The following CRADD variants were observed in gnomAD, a reference collection of about 807,000 sequenced individuals.
The protein encoded by CRADD is death domain-containing protein CRADD.
CRADD carries 9 observed loss-of-function variants against 15.5 expected under a neutral mutation model. That is an observed-to-expected ratio of 0.58 (90% CI 0.35 to 1.01). The LOEUF is 1.01. Among genes scored for constraint, CRADD ranks in the 50% least tolerant of loss-of-function variants. The pLI is 0.02. For missense variants in CRADD, 227 were observed against 250.3 expected (o/e 0.91, Z 0.63); for synonymous variants, 118 against 107.6 (o/e 1.10, Z -0.60).
chr12:93,681,708 C>T (rs1293830001), intron 2 of CRADD, among the ~76,000 whole-genome samples: 1 of 152,160 alleles, frequency 6.6e-6, no homozygotes, highest in Non-Finnish European at 1.5e-5. Context: ...CACTCCTTCC[C>T]AATCTTGTCT....
intron 2 of CRADD, among the ~76,000 whole-genome samples, chr12:93,781,569 T>C (rs1957210117): frequency 1.3e-5 from 2 of 152,320 alleles, no homozygotes; most frequent in South Asian, 4.1e-4. Context: ...CGGATCAGTC[T>C]CCATATCACT....
At chr12:93,825,013 G>A (rs1321487290) in intron 2 of CRADD, among the ~76,000 whole-genome samples, 1 of 152,104 alleles carries the variant, frequency 6.6e-6, no homozygotes, top group Non-Finnish European at 1.5e-5. Flanking sequence ...TTTTGCTGTT[G>A]GTATTTTTTG....
At chr12:93,803,770 A>G (rs1371552762) in intron 2 of CRADD, among the ~76,000 whole-genome samples, 1 of 152,088 alleles carries the variant, frequency 6.6e-6, no homozygotes, top group African/African-American at 2.4e-5. Flanking sequence ...TGTTACCTCC[A>G]TGGCAAAGGG....
intron 2 of CRADD, among the ~76,000 whole-genome samples, chr12:93,864,535 A>C (rs1311487720): frequency 6.6e-6 from 1 of 152,230 alleles, no homozygotes; most frequent in Non-Finnish European, 1.5e-5. Flanking sequence ...AATGACAATG[A>C]CAGCATTCTT....
chr12:93,693,482 T>G (rs1955623033), intron 2 of CRADD, among the ~76,000 whole-genome samples: 1 of 152,002 alleles, frequency 6.6e-6, no homozygotes, highest in Non-Finnish European at 1.5e-5. Flanking sequence ...AGTCAAAAAT[T>G]GTCAAAAGAG....
intron 2 of CRADD, chr12:93,738,226 C>T (rs939922124): frequency 6.4e-6 from 4 of 620,164 alleles, no homozygotes; most frequent in South Asian, 1.9e-5. Context: ...AAGGACTGGC[C>T]GAAGAATGGG....
At chr12:93,754,220 C>A (rs1196894602) in intron 2 of CRADD, among the ~76,000 whole-genome samples, 1 of 152,192 alleles carries the variant, frequency 6.6e-6, no homozygotes, top group African/African-American at 2.4e-5. Context: ...CACAGGGCAC[C>A]AAGTCCTAGG....
chr12:93,779,434 AAAAAACAT>A (rs1957175281), intron 2 of CRADD, among the ~76,000 whole-genome samples: 1 of 152,130 alleles, frequency 6.6e-6, no homozygotes, highest in African/African-American at 2.4e-5. Context: ...TTTCAAAGGA[AAAAAACAT>A]AGATTTTTCA....
At chr12:93,892,515 T>C (rs2137081045) in intron 2 of CRADD, among the ~76,000 whole-genome samples, 1 of 152,226 alleles carries the variant, frequency 6.6e-6, no homozygotes, top group East Asian at 1.9e-4. Context: ...GCCTGCCTTT[T>C]CTGACCCTTC....
intron 2 of CRADD, among the ~76,000 whole-genome samples, chr12:93,691,501 G>A (rs976269864): frequency 8.5e-5 from 13 of 152,078 alleles, no homozygotes; most frequent in Non-Finnish European, 8.8e-5. Context: ...TGATCTGCCC[G>A]CCTTGGCCTC....
At chr12:93,703,185 A>G (rs944211025) in intron 2 of CRADD, among the ~76,000 whole-genome samples, 3 of 152,084 alleles carry the variant, frequency 2.0e-5, no homozygotes, top group African/African-American at 7.3e-5. Flanking sequence ...TTTATCTAAG[A>G]AAGAAAGTAG....
intron 2 of CRADD, among the ~76,000 whole-genome samples, chr12:93,681,633 A>G (rs1955303980): frequency 6.6e-6 from 1 of 152,156 alleles, no homozygotes. Flanking sequence ...GGTACAGCGA[A>G]CACCCGTCTC....
At chr12:93,821,273 G>C (rs1957766833) in intron 2 of CRADD, among the ~76,000 whole-genome samples, 1 of 152,194 alleles carries the variant, frequency 6.6e-6, no homozygotes. Context: ...GCATAGCTCT[G>C]TGTTCTATAC....
At chr12:93,687,965 T>C (rs1348641996) in intron 2 of CRADD, among the ~76,000 whole-genome samples, 2 of 152,250 alleles carry the variant, frequency 1.3e-5, no homozygotes, top group Non-Finnish European at 2.9e-5. Flanking sequence ...ATTCACATTG[T>C]TTGGTACAGT....
intron 2 of CRADD, among the ~76,000 whole-genome samples, chr12:93,770,644 T>G (rs1345895486): frequency 6.6e-6 from 1 of 152,250 alleles, no homozygotes; most frequent in Non-Finnish European, 1.5e-5. Context: ...TGTGGACTCC[T>G]TATTCTCTTC....
At chr12:93,813,761 G>C (rs1957655637) in intron 2 of CRADD, among the ~76,000 whole-genome samples, 1 of 152,136 alleles carries the variant, frequency 6.6e-6, no homozygotes, top group African/African-American at 2.4e-5. Flanking sequence ...TGAGAGGGGG[G>C]TATGGAGCTA....
At chr12:93,678,072 A>G (rs1955199731) in intron 1 of CRADD, 1 of 152,344 alleles carries the variant, frequency 6.6e-6, no homozygotes, top group Admixed American at 6.5e-5. Flanking sequence ...AAAATGTCCC[A>G]TGCATGTGCG....
intron 2 of CRADD, among the ~76,000 whole-genome samples, chr12:93,869,972 A>G (rs1958404188): frequency 6.6e-6 from 1 of 152,164 alleles, no homozygotes; most frequent in African/African-American, 2.4e-5. Context: ...ATAGAAATTC[A>G]TATCTAGGCA....
chr12:93,806,464 AAAAAAAAAC>A (rs1292609040), intron 2 of CRADD, among the ~76,000 whole-genome samples: 6 of 149,096 alleles, frequency 4.0e-5, no homozygotes, highest in African/African-American at 4.9e-5. Context: ...AAAAAAAAAA[AAAAAAAAAC>A]AAAAAAAAGA....
Sources: gnomAD v4.1 joint callset for allele counts (sites outside exome capture counted in the v4.1 genomes callset) on GRCh38, gnomAD v4.1.1 for gene constraint, MANE v1.5 for transcripts, NCBI Gene and HGNC (gene_info 2026-07-23, HGNC 2026-07-21) for gene names.